SNRPN: variants seen among roughly 807,000 people sequenced by gnomAD.
SNRPN encodes small nuclear ribonucleoprotein-associated protein N.
In SNRPN, 7 loss-of-function variants were observed where a neutral mutation model predicts 25.2. That is an observed-to-expected ratio of 0.28 (90% confidence interval 0.16 to 0.52). SNRPN has a LOEUF of 0.52. SNRPN is among the 20% of genes least tolerant of loss of function. The probability of loss-of-function intolerance (pLI) is 0.96; values close to 1 mark genes in which losing one functional copy is unlikely to be tolerated. For missense variants in SNRPN, 196 were observed against 322.5 expected (o/e 0.61, Z 3.00); for synonymous variants, 124 against 110.6 (o/e 1.12, Z -0.76).
At chr15:24,833,158 G>A (rs1203284896) in intron 2 of SNRPN, among the ~76,000 whole-genome samples, 3 of 144,440 alleles carry the variant, frequency 2.1e-5, no homozygotes, top group Non-Finnish European at 4.5e-5. Flanking sequence ...TAGAAATGAT[G>A]AGAATGATGA....
intron 3 of SNRPN, among the ~76,000 whole-genome samples, chr15:24,942,073 C>T (rs1030133764): frequency 3.3e-5 from 5 of 152,110 alleles, no homozygotes; most frequent in South Asian, 2.1e-4. Flanking sequence ...CCACCGTGCC[C>T]GGCCTAGATG....
intron 4 of SNRPN, 105 bp from the exon 5 acceptor site, chr15:24,975,253 A>T: frequency 1.1e-6 from 1 of 873,730 alleles, no homozygotes; most frequent in Non-Finnish European, 1.8e-6. Flanking sequence ...TTGTTTAGTT[A>T]AGGAAACCAG....
chr15:24,944,320 C>T (rs2061748269), intron 3 of SNRPN, among the ~76,000 whole-genome samples: 1 of 152,182 alleles, frequency 6.6e-6, no homozygotes. Context: ...AAATTAGGTG[C>T]AACTAGACAG....
At chr15:24,967,891 A>G (rs2075890139) in intron 2 of SNRPN, 41 bp from the exon 3 acceptor site, 2 of 1,536,316 alleles carry the variant, frequency 1.3e-6, no homozygotes, top group South Asian at 1.1e-5. Flanking sequence ...ATAAAGACAA[A>G]TGTATTTTTA....
rs34575205 is a variant in SNRPN, at chr15:24,923,923, ATTTTTTTTT to A, written c.-391+3816_-391+3824del. Among the ~76,000 whole-genome samples the A allele has an allele frequency of 1.1e-3, 103 of 89,912 alleles. 1 individual carries two copies. The highest frequency in any genetic ancestry group is 4.4e-3 in the African/African-American group (94 of 21,486). 59.0% of individuals were successfully genotyped at this position (89,912 alleles called of 152,430 possible). A position where few individuals can be genotyped will look rare whatever the true frequency, so the allele number is the denominator to read the frequency against. ...TGTGTGTGTGTGTGTGTATATAAACATTTTTTTTTTTTTTTTTTTTTTTTTGAGATGGAG... is the reference window on the plus strand; with the variant it reads ...TGTGTGTGTGTGTGTGTATATAAACATTTTTTTTTTTTTTTTGAGATGGAG... On this transcript the variant is annotated intron_variant, in intron 3 of 11. Transcript: ENST00000400097.
intron 3 of SNRPN, among the ~76,000 whole-genome samples, chr15:24,941,453 C>T (rs535655736): frequency 3.0e-4 from 45 of 152,332 alleles, no homozygotes; most frequent in Non-Finnish European, 3.7e-4. Flanking sequence ...GCAAGCACCA[C>T]GGCTGGTTGT....
intron 3 of SNRPN, among the ~76,000 whole-genome samples, chr15:24,947,862 C>T (rs530007389): frequency 3.9e-5 from 6 of 151,982 alleles, no homozygotes; most frequent in South Asian, 2.1e-4. Flanking sequence ...AGTTAGGGGG[C>T]GGAGGAATGG....
chr15:24,909,479 A>G (rs2059072500), intron 2 of SNRPN: 2 of 1,573,430 alleles, frequency 1.3e-6, no homozygotes, highest in South Asian at 1.1e-5. Context: ...GATCTTGTCC[A>G]TGCCAAACCT....
At chr15:24,903,901 G>T (rs1202763291) in intron 2 of SNRPN, among the ~76,000 whole-genome samples, 1 of 152,022 alleles carries the variant, frequency 6.6e-6, no homozygotes, top group African/African-American at 2.4e-5. Context: ...GTGTGTGGTG[G>T]TGCACGCCTG....
intron 3 of SNRPN, among the ~76,000 whole-genome samples, chr15:24,947,848 A>C (rs943956973): frequency 6.6e-6 from 1 of 152,096 alleles, no homozygotes; most frequent in African/African-American, 2.4e-5. Flanking sequence ...TCTACTTCTC[A>C]ATAAGTTAGG....
At chr15:24,953,182 A>C (rs1369085417), upstream of SNRPN, among the ~76,000 whole-genome samples, 1 of 152,208 alleles carries the variant, frequency 6.6e-6, no homozygotes, top group East Asian at 1.9e-4. Context: ...AACTTGCTCA[A>C]AGTAACATTG....
At chr15:24,891,068 G>C (rs939989974) in intron 2 of SNRPN, among the ~76,000 whole-genome samples, 1 of 152,040 alleles carries the variant, frequency 6.6e-6, no homozygotes, top group Non-Finnish European at 1.5e-5. Flanking sequence ...GCACCACCAC[G>C]CTTGGCTAAT....
At chr15:24,960,747 TGA>T (rs555061937) in intron 1 of SNRPN, among the ~76,000 whole-genome samples, 64 of 152,314 alleles carry the variant, frequency 4.2e-4, no homozygotes, top group African/African-American at 1.5e-3. Context: ...TGTTGAGTTG[TGA>T]GAGTTCCTTA....
At chr15:24,955,562 A>G (rs893336083) in intron 1 of SNRPN, among the ~76,000 whole-genome samples, 1 of 143,146 alleles carries the variant, frequency 7.0e-6, no homozygotes, top group Non-Finnish European at 1.5e-5. Context: ...TAGGTGTATA[A>G]TAGTGACCAC....
intron 1 of SNRPN, among the ~76,000 whole-genome samples, chr15:24,829,090 A>G (rs1195409685): frequency 1.3e-5 from 2 of 152,152 alleles, no homozygotes; most frequent in Admixed American, 1.3e-4. Flanking sequence ...TGAGAGATTC[A>G]TTAATTTCTT....
intron 2 of SNRPN, among the ~76,000 whole-genome samples, chr15:24,894,257 C>T (rs568063264): frequency 4.0e-5 from 6 of 151,486 alleles, no homozygotes; most frequent in South Asian, 2.1e-4. Flanking sequence ...CTCGCTCTGT[C>T]GCCCAGGCTG....
At chr15:24,954,350 C>T (rs1219584088), upstream of SNRPN, among the ~76,000 whole-genome samples, 1 of 152,092 alleles carries the variant, frequency 6.6e-6, no homozygotes, top group African/African-American at 2.4e-5. Context: ...TTTTGTTTTA[C>T]AAAAATTGAA....
chr15:24,888,178 G>A (rs567992160), intron 2 of SNRPN, among the ~76,000 whole-genome samples: 6 of 146,568 alleles, frequency 4.1e-5, no homozygotes, highest in Non-Finnish European at 6.0e-5. Flanking sequence ...GCACAATCTC[G>A]GCTCACCACA....
chr15:24,876,686 G>A (rs1249494562), intron 1 of SNRPN, among the ~76,000 whole-genome samples: 2 of 151,608 alleles, frequency 1.3e-5, no homozygotes, highest in Non-Finnish European at 2.9e-5. Context: ...CAAAATGCAT[G>A]AGCATACAAC....
Sources: gnomAD v4.1 joint callset for allele counts (sites outside exome capture counted in the v4.1 genomes callset) on GRCh38, gnomAD v4.1.1 for gene constraint, MANE v1.5 for transcripts, NCBI Gene and HGNC (gene_info 2026-07-23, HGNC 2026-07-21) for gene names.